The following LUZP1 variants were observed in gnomAD, a reference collection of about 807,000 sequenced individuals.
LUZP1 encodes leucine zipper protein 1.
LUZP1 carries 25 observed loss-of-function variants against 71.3 expected under a neutral mutation model. That is an observed-to-expected ratio of 0.35 (90% CI 0.26 to 0.49). LUZP1 has a LOEUF of 0.49. LUZP1 is among the 20% of genes least tolerant of loss of function. The pLI, the probability that LUZP1 is intolerant of heterozygous loss-of-function variation, is 0.99. For missense variants in LUZP1, 1,142 were observed against 1,300.8 expected (o/e 0.88, Z 1.88); for synonymous variants, 481 against 506.4 (o/e 0.95, Z 0.67).
chr1:23,112,994 T>C (rs1395788998), intron 2 of LUZP1, among the ~76,000 whole-genome samples: 1 of 152,234 alleles, frequency 6.6e-6, no homozygotes. Flanking sequence ...TTTGCAGTTT[T>C]GAGTCTGAGT....
chr1:23,111,031 C>G (rs1321013301), intron 2 of LUZP1, among the ~76,000 whole-genome samples: 2 of 151,646 alleles, frequency 1.3e-5, no homozygotes, highest in Admixed American at 6.6e-5. Context: ...GAAACCCCAT[C>G]TCTACTAAAA....
At chr1:23,092,693 T>G in exon 4 of LUZP1, 1 of 1,614,070 alleles carries the variant, frequency 6.2e-7, no homozygotes, top group Non-Finnish European at 8.5e-7. Flanking sequence ...CTCTACCCAA[T>G]GGGTCACTGG....
At chr1:23,086,619 A>G (rs1269780802) in exon 5 of LUZP1, 2 of 152,758 alleles carry the variant, frequency 1.3e-5, no homozygotes, top group African/African-American at 2.4e-5. Flanking sequence ...CCACAGACTT[A>G]GTTTCCTAAT....
intron 2 of LUZP1, among the ~76,000 whole-genome samples, chr1:23,167,054 C>T (rs1644515513): frequency 6.6e-6 from 1 of 152,060 alleles, no homozygotes; most frequent in South Asian, 2.1e-4. Context: ...CTTAATCTGC[C>T]CCCAGGGGAA....
chr1:23,156,305 A>G (rs1407130059), intron 2 of LUZP1, among the ~76,000 whole-genome samples: 2 of 152,180 alleles, frequency 1.3e-5, no homozygotes, highest in Admixed American at 1.3e-4. Context: ...GCTTGAACCC[A>G]GGAGGCAGAA....
intron 2 of LUZP1, among the ~76,000 whole-genome samples, chr1:23,163,248 A>AG (rs1644483464): frequency 1.3e-5 from 2 of 151,184 alleles, no homozygotes; most frequent in Non-Finnish European, 3.0e-5. Flanking sequence ...AAAAAAAAAA[A>AG]AAAAAAAAAA....
At chr1:23,162,311 A>G (rs974455211) in intron 2 of LUZP1, among the ~76,000 whole-genome samples, 1 of 152,108 alleles carries the variant, frequency 6.6e-6, no homozygotes, top group African/African-American at 2.4e-5. Context: ...CTTGATCTAG[A>G]TCTAGGTGCT....
intron 2 of LUZP1, among the ~76,000 whole-genome samples, chr1:23,115,033 T>C (rs949495533): frequency 6.6e-6 from 1 of 152,266 alleles, no homozygotes; most frequent in African/African-American, 2.4e-5. Context: ...TACCATTTGA[T>C]TAATTGGAGT....
chr1:23,147,612 CAAAAAAAAAAA>C (rs774893320), intron 2 of LUZP1, among the ~76,000 whole-genome samples: 5 of 61,470 alleles, frequency 8.1e-5, no homozygotes, highest in Admixed American at 2.2e-4. Context: ...AGTCTCTACC[CAAAAAAAAAAA>C]AAAAAAAAAA....
At chr1:23,125,713 T>A (rs1202732599) in intron 2 of LUZP1, among the ~76,000 whole-genome samples, 1 of 152,198 alleles carries the variant, frequency 6.6e-6, no homozygotes, top group Non-Finnish European at 1.5e-5. Context: ...CATCGACACA[T>A]CTTAACATGG....
At position 23,116,765 on chromosome 1, in the gene LUZP1, A is replaced by T. The variant is rs118020689; in HGVS notation, c.-225-7638T>A. ...CTGTCTGTCACATGTACGAGCTGCA[A>T]GTCTTAGGAGGTGCAAGTCACCCAA... On this transcript the variant is annotated intron_variant, in intron 2 of 4. Transcript: ENST00000302291. 2.2e-4 allele frequency among the ~76,000 whole-genome samples: 33 copies of T among 152,304 alleles called. 1 individual carries two copies. The East Asian group carries it at 6.4e-3, about 29-fold the overall frequency.
chr1:23,169,287 G>A (rs1644536688), intron 1 of LUZP1, among the ~76,000 whole-genome samples: 1 of 152,186 alleles, frequency 6.6e-6, no homozygotes. Flanking sequence ...AGGCTGCAGT[G>A]AGCCGTGATC....
chr1:23,092,693 T>C (rs556459988), exon 4 of LUZP1: 1 of 1,614,070 alleles, frequency 6.2e-7, no homozygotes, highest in Non-Finnish European at 8.5e-7. Context: ...CTCTACCCAA[T>C]GGGTCACTGG....
At chr1:23,154,709 ATTTT>A (rs1191570803) in intron 2 of LUZP1, among the ~76,000 whole-genome samples, 7 of 125,610 alleles carry the variant, frequency 5.6e-5, no homozygotes, top group Non-Finnish European at 9.8e-5. Context: ...CACCTGGCTA[ATTTT>A]TTTTTTTTTT....
chr1:23,145,470 T>G (rs963563681), intron 2 of LUZP1, among the ~76,000 whole-genome samples: 1 of 144,456 alleles, frequency 6.9e-6, no homozygotes, highest in African/African-American at 2.6e-5. Context: ...ATTAATCTCT[T>G]TTTTTTTTTT....
intron 2 of LUZP1, among the ~76,000 whole-genome samples, chr1:23,117,090 G>A (rs1277192353): frequency 1.3e-5 from 2 of 152,126 alleles, no homozygotes; most frequent in Non-Finnish European, 2.9e-5. Flanking sequence ...TCTACCCCCT[G>A]TAACAAGTTT....
intron 1 of LUZP1, among the ~76,000 whole-genome samples, chr1:23,173,466 A>C (rs1644565329): frequency 1.3e-5 from 2 of 148,748 alleles, no homozygotes; most frequent in Admixed American, 6.8e-5. Flanking sequence ...TAATCCTCCA[A>C]CCTCAGCCTC....
rs1225155907 is a variant in LUZP1 at position 23,139,019 on chromosome 1, A to AATATATAT, written c.-226+29739_-226+29746dup. On this transcript the variant is annotated intron_variant, in intron 2 of 4. Transcript: ENST00000302291. ...TCTCAAAAAAAAAAAAAAAAAAAAA[A>AATATATAT]ATATATATATATATATATATATATA... Among the ~76,000 whole-genome samples, 311 of 59,896 alleles carry AATATATAT rather than the reference A, an allele frequency of 5.2e-3. 5 individuals are homozygous for AATATATAT. The highest frequency in any genetic ancestry group is 0.013 in the South Asian group (16 of 1,262). 39.3% of individuals were successfully genotyped at this position (59,896 alleles called of 152,430 possible). A position where few individuals can be genotyped will look rare whatever the true frequency, so the allele number is the denominator to read the frequency against.
At chr1:23,127,305 T>C (rs1212648684) in intron 2 of LUZP1, among the ~76,000 whole-genome samples, 1 of 152,248 alleles carries the variant, frequency 6.6e-6, no homozygotes, top group East Asian at 1.9e-4. Context: ...GGGATTTGAA[T>C]TCAGGTCTAC....
Sources: allele counts gnomAD v4.1 joint callset (sites outside exome capture counted in the v4.1 genomes callset), GRCh38; gene constraint gnomAD v4.1.1; transcripts MANE v1.5; gene names NCBI Gene and HGNC (gene_info 2026-07-23, HGNC 2026-07-21).